The following GRM7 variants were observed in gnomAD, a reference collection of about 807,000 sequenced individuals.
GRM7 encodes the protein metabotropic glutamate receptor 7.
In GRM7, 35 loss-of-function variants were observed where a neutral mutation model predicts 84.5. The observed-to-expected ratio is 0.41, with a 90% CI of 0.32 to 0.55. The LOEUF (loss-of-function observed/expected upper bound fraction) is 0.55. GRM7 is among the 20% of genes least tolerant of loss of function. The pLI is 0.19. For missense variants in GRM7, 1,003 were observed against 1,194.6 expected (o/e 0.84, Z 2.36); for synonymous variants, 487 against 455.1 (o/e 1.07, Z -0.89).
intron 2 of GRM7, among the ~76,000 whole-genome samples, chr3:7,206,526 C>A (rs1016556467): frequency 6.6e-6 from 1 of 152,172 alleles, no homozygotes; most frequent in Non-Finnish European, 1.5e-5. Flanking sequence ...TCCATGACCT[C>A]ACAAAGCCAA....
intron 7 of GRM7, among the ~76,000 whole-genome samples, chr3:7,529,496 A>G (rs1700943884): frequency 6.6e-6 from 1 of 152,122 alleles, no homozygotes; most frequent in African/African-American, 2.4e-5. Flanking sequence ...TTTAGGAGAG[A>G]GTCTTAAGAG....
intron 4 of GRM7, among the ~76,000 whole-genome samples, chr3:7,356,067 C>A (rs1036753063): frequency 2.6e-5 from 4 of 152,070 alleles, no homozygotes; most frequent in Admixed American, 1.3e-4. Flanking sequence ...CCTGGTTGTG[C>A]ACTTTTCTTA....
chr3:7,565,078 A>T (rs983116614), intron 7 of GRM7, among the ~76,000 whole-genome samples: 1 of 152,228 alleles, frequency 6.6e-6, no homozygotes, highest in Non-Finnish European at 1.5e-5. Context: ...AGGACATTTA[A>T]GCTGCAAACA....
intron 9 of GRM7, among the ~76,000 whole-genome samples, chr3:7,706,087 C>G (rs1701377519): frequency 6.6e-6 from 1 of 152,150 alleles, no homozygotes; most frequent in Admixed American, 6.5e-5. Flanking sequence ...TTCCACTTCA[C>G]CACCCATAAT....
At chr3:7,721,149 A>G (rs1038318187) in intron 9 of GRM7, among the ~76,000 whole-genome samples, 2 of 152,238 alleles carry the variant, frequency 1.3e-5, no homozygotes, top group Admixed American at 6.5e-5. Flanking sequence ...AACAGGATCC[A>G]TATTTAACCT....
intron 8 of GRM7, among the ~76,000 whole-genome samples, chr3:7,592,889 A>T: frequency 6.6e-6 from 1 of 152,140 alleles, no homozygotes; most frequent in East Asian, 1.9e-4. Flanking sequence ...GTTGGAAAAC[A>T]TGGGGAAACT....
chr3:6,937,790 C>T (rs912008414), intron 1 of GRM7, among the ~76,000 whole-genome samples: 1 of 152,296 alleles, frequency 6.6e-6, no homozygotes, highest in African/African-American at 2.4e-5. Context: ...TATCTGTTAT[C>T]ACAATGTAAT....
At chr3:7,005,048 C>T (rs1695135619) in intron 1 of GRM7, among the ~76,000 whole-genome samples, 1 of 152,204 alleles carries the variant, frequency 6.6e-6, no homozygotes, top group Admixed American at 6.5e-5. Flanking sequence ...CTCAGTGGTG[C>T]ACCTTATGCA....
At chr3:7,119,367 G>T (rs748187584) in intron 1 of GRM7, among the ~76,000 whole-genome samples, 9 of 151,922 alleles carry the variant, frequency 5.9e-5, no homozygotes, top group Non-Finnish European at 1.3e-4. Context: ...AATTGTATAC[G>T]TGCTGGGTAT....
chr3:7,695,283 A>G (rs987199005), intron 9 of GRM7, among the ~76,000 whole-genome samples: 2 of 152,130 alleles, frequency 1.3e-5, no homozygotes, highest in Non-Finnish European at 1.5e-5. Context: ...TTTAAAGCTG[A>G]ATCTCCATGA....
intron 2 of GRM7, among the ~76,000 whole-genome samples, chr3:7,292,718 T>TTC (rs1699674573): frequency 8.2e-6 from 1 of 121,952 alleles, no homozygotes; most frequent in African/African-American, 2.6e-5. Flanking sequence ...TATTATTTCT[T>TTC]TTTTTTTTAA....
intron 1 of GRM7, among the ~76,000 whole-genome samples, chr3:7,053,500 A>G (rs1055214213): frequency 2.0e-5 from 3 of 151,650 alleles, no homozygotes; most frequent in Non-Finnish European, 4.4e-5. Context: ...TAGAAATTTT[A>G]TAGTCTTAAA....
chr3:7,289,325 G>A (rs369288104), intron 2 of GRM7, among the ~76,000 whole-genome samples: 1 of 152,284 alleles, frequency 6.6e-6, no homozygotes, highest in Admixed American at 6.5e-5. Flanking sequence ...TGAAAAGAAC[G>A]TGATGTTTCT....
At chr3:7,522,632 A>G (rs1700639711) in intron 7 of GRM7, among the ~76,000 whole-genome samples, 1 of 152,176 alleles carries the variant, frequency 6.6e-6, no homozygotes, top group Non-Finnish European at 1.5e-5. Flanking sequence ...CTTCCAGAAC[A>G]CTTTCACTTC....
At chr3:7,023,010 G>T (rs1359254342) in intron 1 of GRM7, among the ~76,000 whole-genome samples, 2 of 145,050 alleles carry the variant, frequency 1.4e-5, no homozygotes, top group Non-Finnish European at 1.5e-5. Context: ...ATTCTTTTAG[G>T]GGCAGTAAAT....
chr3:7,319,207 G>A (rs1012383876), intron 4 of GRM7, among the ~76,000 whole-genome samples: 2 of 152,008 alleles, frequency 1.3e-5, no homozygotes, highest in Admixed American at 1.3e-4. Context: ...TAAGCTTAGG[G>A]GGTTGTGTGT....
intron 1 of GRM7, among the ~76,000 whole-genome samples, chr3:6,950,036 G>A (rs1449839131): frequency 6.6e-6 from 1 of 152,042 alleles, no homozygotes; most frequent in Admixed American, 6.6e-5. Flanking sequence ...TTGATCTTCT[G>A]AAGCCTTCCT....
intron 1 of GRM7, among the ~76,000 whole-genome samples, chr3:6,897,526 C>T (rs1057514840): frequency 1.8e-4 from 28 of 152,186 alleles, no homozygotes; most frequent in African/African-American, 5.1e-4. Context: ...TACCTTCTCA[C>T]CATTTTTGTG....
At chr3:7,304,521 A>C (rs1391352317) in intron 3 of GRM7, among the ~76,000 whole-genome samples, 1 of 151,768 alleles carries the variant, frequency 6.6e-6, no homozygotes, top group East Asian at 1.9e-4. Flanking sequence ...TTTATTTATT[A>C]AAAATAATAT....
Sources: gnomAD v4.1 joint callset for allele counts (sites outside exome capture counted in the v4.1 genomes callset) on GRCh38, gnomAD v4.1.1 for gene constraint, MANE v1.5 for transcripts, NCBI Gene and HGNC (gene_info 2026-07-23, HGNC 2026-07-21) for gene names.